WWOX: variants seen among roughly 807,000 people sequenced by gnomAD.
The protein encoded by WWOX is WW domain containing oxidoreductase, also known as WW domain-containing oxidoreductase.
A neutral mutation model predicts 46.2 loss-of-function variants in WWOX; 69 were observed. The ratio of observed to expected loss-of-function variants is 1.49; its 90% CI spans 1.23 to 1.82. The LOEUF is 1.82. Among genes scored for constraint, WWOX ranks in the 40% most tolerant of loss-of-function variants. WWOX has a pLI of 0.00. For missense variants in WWOX, 919 were observed against 542.6 expected (o/e 1.69, Z -6.89); for synonymous variants, 359 against 202.6 (o/e 1.77, Z -6.56).
chr16:79,022,901 CT>C (rs2047562957), intron 8 of WWOX, among the ~76,000 whole-genome samples: 1 of 152,196 alleles, frequency 6.6e-6, no homozygotes, highest in Non-Finnish European at 1.5e-5. Flanking sequence ...CTTCTCTCCC[CT>C]GAGCATCAGT....
chr16:78,376,970 A>G (rs72796052), intron 5 of WWOX, among the ~76,000 whole-genome samples: 8,065 of 152,248 alleles, frequency 0.053, 288 homozygotes, highest in East Asian at 0.12. Context: ...TTTAACCACT[A>G]TTGACTTGCG....
At chr16:79,002,213 CTTTTTTTTTTTTTTTTT>C (rs67180105) in intron 8 of WWOX, among the ~76,000 whole-genome samples, 9 of 41,304 alleles carry the variant, frequency 2.2e-4, no homozygotes, top group Non-Finnish European at 3.7e-4. Flanking sequence ...GGTGTCCTGC[CTTTTTTTTTTTTTTTTT>C]TTTTTTTTTT....
At chr16:79,111,214 C>T (rs1004312885) in intron 8 of WWOX, among the ~76,000 whole-genome samples, 1 of 152,126 alleles carries the variant, frequency 6.6e-6, no homozygotes, top group African/African-American at 2.4e-5. Context: ...ATGGTATGAC[C>T]AAGGGCTCAT....
chr16:78,806,286 G>C (rs1343464482), intron 8 of WWOX, among the ~76,000 whole-genome samples: 2 of 152,166 alleles, frequency 1.3e-5, no homozygotes, highest in African/African-American at 4.8e-5. Flanking sequence ...TGAGGGAATT[G>C]AAGCATTTCC....
intron 8 of WWOX, among the ~76,000 whole-genome samples, chr16:78,972,904 A>T (rs1475980453): frequency 6.6e-6 from 1 of 152,202 alleles, no homozygotes; most frequent in Admixed American, 6.5e-5. Flanking sequence ...TCATTTTATT[A>T]GCGCTGGAGC....
At position 79,211,700 on chromosome 16, in the gene WWOX, G is replaced by A. The variant is rs1050696184; in HGVS notation, c.1149G>A (p.Met383Ile). The A allele has an allele frequency of 6.2e-7, 1 of 1,614,240 alleles. No homozygotes were observed. Among genetic ancestry groups the A allele is most frequent in the Admixed American group, 1.7e-5 (1 of 60,030 alleles). Residue 383 changes from methionine (M) to isoleucine (I), a missense_variant, in exon 9 of 9, where the codon ATG (methionine) becomes ATA (isoleucine). Physicochemically the swap from Met to Ile is conservative, Grantham distance 10 (BLOSUM62 1). Coordinates refer to ENST00000566780, the MANE Select transcript of WWOX (RefSeq NM_016373.4). ...GMYFNNCCRCMPSPEAQSEET... is the reference protein window; with the variant it reads ...GMYFNNCCRCIPSPEAQSEET... ...ACTTCAACAACTGCTGCCGCTGCATGCCCTCACCAGAAGCTCAGAGCGAAG... is the reference window on the plus strand; with the variant it reads ...ACTTCAACAACTGCTGCCGCTGCATACCCTCACCAGAAGCTCAGAGCGAAG...
intron 8 of WWOX, among the ~76,000 whole-genome samples, chr16:78,613,354 G>C (rs1209970009): frequency 1.3e-5 from 2 of 152,136 alleles, no homozygotes; most frequent in Non-Finnish European, 2.9e-5. Flanking sequence ...CCCATGCTGT[G>C]TCGCACTTGG....
chr16:78,993,009 C>G (rs890349324), intron 8 of WWOX, among the ~76,000 whole-genome samples: 7 of 151,852 alleles, frequency 4.6e-5, no homozygotes, highest in African/African-American at 1.7e-4. Context: ...GAAAACTGGA[C>G]TATTTATGCT....
chr16:78,988,121 T>A (rs1056391508), intron 8 of WWOX, among the ~76,000 whole-genome samples: 15 of 151,974 alleles, frequency 9.9e-5, no homozygotes, highest in Non-Finnish European at 1.9e-4. Context: ...GGCTGGTGGA[T>A]CACCTGAGGT....
intron 8 of WWOX, among the ~76,000 whole-genome samples, chr16:79,141,435 C>G (rs2050087053): frequency 2.0e-5 from 3 of 152,188 alleles, no homozygotes; most frequent in Admixed American, 6.5e-5. Flanking sequence ...GCAAAATAAA[C>G]TTTCTAAATT....
rs563012135 is a variant in WWOX at position 78,811,758 on chromosome 16, G to A, written c.1056+379006G>A. Among the ~76,000 whole-genome samples, 115 of 152,100 alleles carry A rather than the reference G, an allele frequency of 7.6e-4. 1 individual carries two copies. In the South Asian group the frequency reaches 7.7e-3, roughly 10 times the overall value. The stretch of plus-strand genomic sequence containing the variant: ...ATCTAAACCTAACAACCTCTCCAGG[G>A]TCCCACACCCAGATACCATCCCACT... On this transcript the variant is annotated intron_variant, in intron 8 of 8. Transcript: ENST00000566780.
chr16:78,982,199 C>G (rs2046696272), intron 8 of WWOX, among the ~76,000 whole-genome samples: 1 of 152,198 alleles, frequency 6.6e-6, no homozygotes, highest in African/African-American at 2.4e-5. Context: ...TTCGTGCACA[C>G]ACGCCTAAGA....
At chr16:78,860,025 A>T (rs2052679092) in intron 8 of WWOX, among the ~76,000 whole-genome samples, 1 of 152,178 alleles carries the variant, frequency 6.6e-6, no homozygotes, top group Admixed American at 6.5e-5. Flanking sequence ...TTCACGAGTA[A>T]ACTTTTTAGT....
At chr16:78,418,623 T>C (rs1043796853) in intron 6 of WWOX, among the ~76,000 whole-genome samples, 6 of 152,186 alleles carry the variant, frequency 3.9e-5, no homozygotes, top group African/African-American at 1.2e-4. Flanking sequence ...AAGTGGAATT[T>C]ATCCAAACAA....
intron 8 of WWOX, among the ~76,000 whole-genome samples, chr16:78,545,029 AAGAAAG>A (rs1044875770): frequency 6.6e-6 from 1 of 152,082 alleles, no homozygotes; most frequent in African/African-American, 2.4e-5. Flanking sequence ...GAGAGAGAGA[AAGAAAG>A]AGAGAGAGAT....
chr16:78,549,336 G>T (rs1212904411), intron 8 of WWOX, among the ~76,000 whole-genome samples: 1 of 152,176 alleles, frequency 6.6e-6, no homozygotes, highest in African/African-American at 2.4e-5. Context: ...TGAATCTGCT[G>T]TAAGCTCTGT....
intron 5 of WWOX, among the ~76,000 whole-genome samples, chr16:78,327,426 A>AC: frequency 6.6e-6 from 1 of 152,232 alleles, no homozygotes; most frequent in South Asian, 2.1e-4. Context: ...AAGCCCCAGT[A>AC]CCCTCAGTGT....
chr16:78,218,082 C>A (rs1371885381), intron 5 of WWOX, among the ~76,000 whole-genome samples: 1 of 151,962 alleles, frequency 6.6e-6, no homozygotes, highest in African/African-American at 2.4e-5. Context: ...AAGACAGGCT[C>A]TCACTCTTGT....
chr16:78,752,965 C>T (rs973247946), intron 8 of WWOX, among the ~76,000 whole-genome samples: 4 of 152,162 alleles, frequency 2.6e-5, no homozygotes, highest in African/African-American at 9.7e-5. Context: ...GGCCGTTTGT[C>T]TGCCTGGTTC....
Sources: allele counts gnomAD v4.1 joint callset (sites outside exome capture counted in the v4.1 genomes callset), GRCh38; gene constraint gnomAD v4.1.1; transcripts MANE v1.5; gene names NCBI Gene and HGNC (gene_info 2026-07-23, HGNC 2026-07-21).